PLXNC1: variants seen among roughly 807,000 people sequenced by gnomAD.
PLXNC1 encodes plexin C1.
PLXNC1 carries 75 observed loss-of-function variants against 178.2 expected under a neutral mutation model. That is an observed-to-expected ratio of 0.42 (90% CI 0.35 to 0.51). The LOEUF (loss-of-function observed/expected upper bound fraction) is 0.51. Ranked by LOEUF, PLXNC1 falls within the 20% of genes least tolerant of loss-of-function variation. The pLI is 0.02. For missense variants in PLXNC1, 1,503 were observed against 1,984.4 expected (o/e 0.76, Z 4.61); for synonymous variants, 790 against 779.9 (o/e 1.01, Z -0.22).
chr12:94,259,456 T>C, intron 18 of PLXNC1, 81 bp downstream of exon 18: 2 of 1,206,948 alleles, frequency 1.7e-6, no homozygotes, highest in Non-Finnish European at 2.3e-6. Context: ...ATCTCTATTA[T>C]TATTACTTTG....
intron 1 of PLXNC1, among the ~76,000 whole-genome samples, chr12:94,161,225 T>C (rs900317087): frequency 1.3e-5 from 2 of 152,212 alleles, no homozygotes; most frequent in African/African-American, 4.8e-5. Flanking sequence ...AGTTTAGCAT[T>C]TTATTTCAAA....
At chr12:94,151,994 A>G (rs989640555) in intron 1 of PLXNC1, among the ~76,000 whole-genome samples, 1 of 152,206 alleles carries the variant, frequency 6.6e-6, no homozygotes, top group Non-Finnish European at 1.5e-5. Flanking sequence ...TGGAACTGGA[A>G]AAATAAATAA....
intron 6 of PLXNC1, among the ~76,000 whole-genome samples, chr12:94,220,795 T>C (rs1377068057): frequency 2.6e-5 from 4 of 152,028 alleles, no homozygotes; most frequent in Admixed American, 2.6e-4. Flanking sequence ...CTGGAGGAAG[T>C]GATGTCCAGA....
rs3060881 is a variant in PLXNC1 at position 94,274,155 on chromosome 12, T to TAAAAAAAAAAAAAA, written c.3598-5298_3598-5285dup. Among the ~76,000 whole-genome samples, 10 of 45,370 alleles carry TAAAAAAAAAAAAAA rather than the reference T, an allele frequency of 2.2e-4. 1 individual carries two copies. The highest frequency in any genetic ancestry group is 2.1e-3 in the East Asian group (2 of 948). The allele number at this position is 45,370 out of a possible 152,430, so 29.8% of individuals were successfully genotyped here. A position where few individuals can be genotyped will look rare whatever the true frequency, so the allele number is the denominator to read the frequency against. ...GGGCAACACAGCAAGACCCTGTCTC[T>TAAAAAAAAAAAAAA]AAAAAAAAAAAAAAAAAAAAAAAAA... On this transcript the variant is annotated intron_variant, in intron 21 of 30. Coordinates refer to ENST00000258526, the MANE Select transcript of PLXNC1 (RefSeq NM_005761.3).
chr12:94,150,290 T>C (rs1437510925), intron 1 of PLXNC1, among the ~76,000 whole-genome samples: 1 of 152,068 alleles, frequency 6.6e-6, no homozygotes, highest in Non-Finnish European at 1.5e-5. Context: ...GACTCAAAAC[T>C]CTAGTGGCTG....
At chr12:94,210,733 G>T (rs1018527668) in intron 5 of PLXNC1, among the ~76,000 whole-genome samples, 5 of 152,194 alleles carry the variant, frequency 3.3e-5, no homozygotes, top group African/African-American at 1.2e-4. Context: ...TTATTTGGCT[G>T]TTGTCACTTT....
rs374899485 is a variant in PLXNC1 at position 94,226,584 on chromosome 12, G to A, written c.1791-21G>A. 11 of 1,556,738 alleles carry A rather than the reference G, an allele frequency of 7.1e-6. No homozygotes were observed. The African/African-American group carries it at 1.5e-4, about 21-fold the overall frequency. On this transcript the variant is annotated intron_variant, in intron 7 of 30. Coordinates refer to ENST00000258526, the MANE Select transcript of PLXNC1 (RefSeq NM_005761.3). ...CATTGTCCTAAAACGCAGGAATTAAGTCAGTTTTCTGTGTTGCTAGATGCC... is the reference window on the plus strand; with the variant it reads ...CATTGTCCTAAAACGCAGGAATTAAATCAGTTTTCTGTGTTGCTAGATGCC...
At chr12:94,268,818 C>T (rs1965408877) in intron 21 of PLXNC1, among the ~76,000 whole-genome samples, 1 of 152,038 alleles carries the variant, frequency 6.6e-6, no homozygotes, top group Non-Finnish European at 1.5e-5. Flanking sequence ...TGGTCTTGAA[C>T]TCCTGGCCTC....
In PLXNC1 at chr12:94,251,541, T is replaced by A. The variant is rs746668844; in HGVS notation, c.2881+13T>A. ...ATTGTCATTTTTGGTAAGTGCCCTG[T>A]TTAATTTTGTCAGAGAAATTATTCC... On this transcript the variant is annotated intron_variant, in intron 15 of 30. Transcript: ENST00000258526. 3 of 1,526,276 alleles carry A rather than the reference T, an allele frequency of 2.0e-6. No individual in the cohort carries two copies. 94.5% of individuals were successfully genotyped at this position (1,526,276 alleles called of 1,614,324 possible).
chr12:94,275,813 C>T (rs1226946061), intron 21 of PLXNC1, among the ~76,000 whole-genome samples: 2 of 138,046 alleles, frequency 1.4e-5, no homozygotes, highest in East Asian at 4.2e-4. Flanking sequence ...CGAGATCCCG[C>T]CACTGCACTC....
At chr12:94,170,506 C>A (rs180769716) in intron 2 of PLXNC1, among the ~76,000 whole-genome samples, 18 of 152,312 alleles carry the variant, frequency 1.2e-4, no homozygotes, top group East Asian at 5.8e-4. Flanking sequence ...TCAAACCCCA[C>A]CTCCTCTTTG....
At chr12:94,229,593 C>G (rs1287107396) in intron 9 of PLXNC1, among the ~76,000 whole-genome samples, 1 of 152,168 alleles carries the variant, frequency 6.6e-6, no homozygotes, top group African/African-American at 2.4e-5. Flanking sequence ...AGAAATGGGT[C>G]TAACTTCATT....
At chr12:94,234,628 G>A (rs745379652) in intron 9 of PLXNC1, among the ~76,000 whole-genome samples, 78 of 152,150 alleles carry the variant, frequency 5.1e-4, no homozygotes, top group Non-Finnish European at 9.0e-4. Flanking sequence ...TATAGTCAAC[G>A]GTATTTTGAT....
chr12:94,185,359 C>T (rs894540875), intron 3 of PLXNC1, among the ~76,000 whole-genome samples: 1 of 152,188 alleles, frequency 6.6e-6, no homozygotes, highest in Non-Finnish European at 1.5e-5. Flanking sequence ...TTTCTCTAAC[C>T]TGCTAAAGAA....
chr12:94,250,257 T>G (rs116701080), intron 14 of PLXNC1, among the ~76,000 whole-genome samples: 2 of 152,140 alleles, frequency 1.3e-5, no homozygotes, highest in African/African-American at 4.8e-5. Flanking sequence ...GGCAAGGGCT[T>G]GGCTTGTGGG....
At chr12:94,196,482 C>A (rs1962919023) in intron 4 of PLXNC1, among the ~76,000 whole-genome samples, 1 of 152,186 alleles carries the variant, frequency 6.6e-6, no homozygotes, top group Non-Finnish European at 1.5e-5. Context: ...AGCCCCTCAC[C>A]AGGAGCAGAC....
chr12:94,150,097 G>C, intron 1 of PLXNC1, 64 bp downstream of exon 1: 1 of 1,344,494 alleles, frequency 7.4e-7, no homozygotes, highest in Non-Finnish European at 1.0e-6. Flanking sequence ...CCGCCGCCGA[G>C]GCAGAACGAG....
chr12:94,175,691 T>A (rs1307057311), intron 2 of PLXNC1, among the ~76,000 whole-genome samples: 2 of 152,264 alleles, frequency 1.3e-5, no homozygotes, highest in East Asian at 3.8e-4. Flanking sequence ...AAGAGCCCTA[T>A]AAAATCTTGA....
At chr12:94,231,418 C>T (rs1244345133) in intron 9 of PLXNC1, among the ~76,000 whole-genome samples, 5 of 152,182 alleles carry the variant, frequency 3.3e-5, no homozygotes, top group African/African-American at 1.2e-4. Context: ...TATAGGGCCT[C>T]ACATACCAGT....
Sources: gnomAD v4.1 joint callset for allele counts (sites outside exome capture counted in the v4.1 genomes callset) on GRCh38, gnomAD v4.1.1 for gene constraint, MANE v1.5 for transcripts, NCBI Gene and HGNC (gene_info 2026-07-23, HGNC 2026-07-21) for gene names.